MTMR12: variants seen among roughly 807,000 people sequenced by gnomAD.
MTMR12 encodes myotubularin-related protein 12.
A neutral mutation model predicts 96.7 loss-of-function variants in MTMR12; 33 were observed. The ratio of observed to expected loss-of-function variants is 0.34; its 90% confidence interval spans 0.26 to 0.46. The LOEUF is 0.46. Ranked by LOEUF, MTMR12 falls within the 20% of genes least tolerant of loss-of-function variation. The pLI is 1.00. For synonymous variants in MTMR12, 298 were observed against 327.2 expected, an observed-to-expected ratio of 0.91 and a Z score of 0.96; for missense variants, 721 against 896.1, an observed-to-expected ratio of 0.80 and a Z score of 2.49.
intron 4 of MTMR12, 152 bp from the exon 5 acceptor site, chr5:32,271,099 G>T: frequency 2.2e-6 from 2 of 918,496 alleles, no homozygotes; most frequent in Non-Finnish European, 3.1e-6. Flanking sequence ...GCCAAAGGAA[G>T]CCCAATCTCT....
intron 7 of MTMR12, among the ~76,000 whole-genome samples, chr5:32,261,716 T>G (rs1475008240): frequency 6.6e-6 from 1 of 152,206 alleles, no homozygotes; most frequent in Non-Finnish European, 1.5e-5. Flanking sequence ...GCTAGGACAC[T>G]GCCAAGCAAA....
At chr5:32,292,446 A>C (rs929810024) in intron 1 of MTMR12, among the ~76,000 whole-genome samples, 4 of 152,134 alleles carry the variant, frequency 2.6e-5, no homozygotes, top group African/African-American at 9.7e-5. Flanking sequence ...AGACACAACA[A>C]TTCCATTAAA....
At chr5:32,240,341 G>A (rs1459136970) in intron 12 of MTMR12, among the ~76,000 whole-genome samples, 5 of 151,144 alleles carry the variant, frequency 3.3e-5, no homozygotes, top group East Asian at 2.0e-4. Flanking sequence ...AGAGGTTGCC[G>A]TGAGCTGAGA....
chr5:32,286,720 T>C (rs1448586393), intron 1 of MTMR12, among the ~76,000 whole-genome samples: 1 of 152,100 alleles, frequency 6.6e-6, no homozygotes, highest in African/African-American at 2.4e-5. Context: ...GTAAGCCAGG[T>C]TAAAAGAAAT....
intron 6 of MTMR12, among the ~76,000 whole-genome samples, chr5:32,267,528 G>A (rs139285083): frequency 1.4e-3 from 208 of 152,250 alleles, no homozygotes; most frequent in Non-Finnish European, 2.1e-3. Flanking sequence ...GTTCTTAAAA[G>A]ATTGCTCTCT....
chr5:32,275,467 T>C (rs2112092330), intron 2 of MTMR12, among the ~76,000 whole-genome samples: 1 of 152,326 alleles, frequency 6.6e-6, no homozygotes, highest in East Asian at 1.9e-4. Context: ...CCCCGTCCCA[T>C]GCTCATGTAC....
intron 12 of MTMR12, among the ~76,000 whole-genome samples, chr5:32,239,966 C>T (rs971004874): frequency 1.3e-5 from 2 of 152,162 alleles, no homozygotes; most frequent in Non-Finnish European, 2.9e-5. Flanking sequence ...GTGCATTTGT[C>T]TTAAGAGTTT....
chr5:32,240,402 A>T (rs1748421911), intron 12 of MTMR12, among the ~76,000 whole-genome samples: 1 of 151,194 alleles, frequency 6.6e-6, no homozygotes, highest in Admixed American at 6.6e-5. Context: ...CCGTCTCAAA[A>T]AAAAAAAAAA....
At chr5:32,234,189 A>G (rs1026219176) in intron 14 of MTMR12, among the ~76,000 whole-genome samples, 10 of 152,176 alleles carry the variant, frequency 6.6e-5, no homozygotes, top group Admixed American at 3.3e-4. Flanking sequence ...CAGCCTCGCG[A>G]GGCAACTGTT....
Position 32,228,603 on chromosome 5 carries a change from T to TG in MTMR12, c.*1174_*1175insC, listed in dbSNP as rs374225889. Reference sequence around the variant, plus strand: ...ATCATATATATGTGATATATATATATATATCATATATATGATATATATATA... The same window carrying TG: ...ATCATATATATGTGATATATATATATGATATCATATATATGATATATATATA... On this transcript the variant is annotated 3_prime_UTR_variant, in exon 16 of 16. Transcript: ENST00000382142. The TG allele has an allele frequency of 2.5e-4, 30 of 120,824 alleles. No individual in the cohort carries two copies. The East Asian group carries it at 3.0e-3, about 12-fold the overall frequency. The allele number at this position is 120,824 out of a possible 1,614,324, so 7.5% of individuals were successfully genotyped here. A position where few individuals can be genotyped will look rare whatever the true frequency, so the allele number is the denominator to read the frequency against.
Position 32,312,022 on chromosome 5 carries a change from C to T in MTMR12, c.81+736G>A, listed in dbSNP as rs1483328114. ...CTCCAGGAATGCAGAGATCTCTGTC[C>T]TGTTCACTGATGTCTATCACAAGCA... is the stretch of plus-strand genomic sequence containing the variant. On this transcript the variant is annotated intron_variant, in intron 1 of 15. Coordinates refer to ENST00000382142, the MANE Select transcript of MTMR12 (RefSeq NM_001040446.3). This position sits in a 1 kb window ranked among gnomAD's most constrained non-coding sequence, Gnocchi z 5.0. 6.6e-6 allele frequency among the ~76,000 whole-genome samples: 1 copy of T among 152,206 alleles called. No homozygotes were observed. The highest frequency in any genetic ancestry group is 1.5e-5 in the Non-Finnish European group (1 of 68,034).
chr5:32,237,672 G>A (rs552485623), intron 13 of MTMR12, among the ~76,000 whole-genome samples: 8 of 152,038 alleles, frequency 5.3e-5, no homozygotes, highest in South Asian at 2.1e-4. Flanking sequence ...CACCACACCC[G>A]GCTAATTTTT....
chr5:32,283,657 T>G (rs1469153285), intron 1 of MTMR12, among the ~76,000 whole-genome samples: 1 of 152,176 alleles, frequency 6.6e-6, no homozygotes, highest in Non-Finnish European at 1.5e-5. Context: ...ATCAGTGAAG[T>G]ACCTGCTAGA....
chr5:32,293,438 A>G (rs1346786726), intron 1 of MTMR12, among the ~76,000 whole-genome samples: 1 of 152,178 alleles, frequency 6.6e-6, no homozygotes, highest in Non-Finnish European at 1.5e-5. Flanking sequence ...CTGAAACATC[A>G]GACGCCAAGT....
intron 1 of MTMR12, among the ~76,000 whole-genome samples, chr5:32,287,594 C>T (rs1266566742): frequency 6.6e-6 from 1 of 152,066 alleles, no homozygotes; most frequent in Non-Finnish European, 1.5e-5. Flanking sequence ...AACCCTAATA[C>T]GGATTTTGGT....
At position 32,247,863 on chromosome 5, in the gene MTMR12, C is replaced by T. The variant is rs1581599374; in HGVS notation, c.1021+139G>A. The T allele has an allele frequency of 2.3e-5, 32 of 1,377,624 alleles. No homozygotes were observed. The East Asian group carries it at 7.9e-4, about 34-fold the overall frequency. 85.3% of individuals were successfully genotyped at this position (1,377,624 alleles called of 1,614,324 possible). On this transcript the variant is annotated intron_variant, in intron 10 of 15. Transcript: ENST00000382142. The stretch of plus-strand genomic sequence containing the variant: ...GAAGTGTGGTAATGGCAGCCAGACC[C>T]CTGGCTCCATGACATCACAGCCCTG...
intron 12 of MTMR12, among the ~76,000 whole-genome samples, chr5:32,240,812 G>A (rs1748439144): frequency 6.6e-6 from 1 of 152,276 alleles, no homozygotes; most frequent in South Asian, 2.1e-4. Flanking sequence ...TGTTGGCCAG[G>A]CTGGTCTCCA....
At chr5:32,246,611 G>A (rs1748701439) in intron 10 of MTMR12, among the ~76,000 whole-genome samples, 1 of 152,160 alleles carries the variant, frequency 6.6e-6, no homozygotes, top group Non-Finnish European at 1.5e-5. Flanking sequence ...AATTAACGTG[G>A]ACAGTTTGCC....
chr5:32,278,471 G>T (rs1750145153), intron 1 of MTMR12, among the ~76,000 whole-genome samples: 1 of 152,124 alleles, frequency 6.6e-6, no homozygotes, highest in Non-Finnish European at 1.5e-5. Context: ...AGAAACTTGG[G>T]TACAGCCTAT....
Sources: gnomAD v4.1 joint callset for allele counts (sites outside exome capture counted in the v4.1 genomes callset) on GRCh38, gnomAD v4.1.1 for gene constraint, Gnocchi (gnomAD v3.1) non-coding constraint, MANE v1.5 for transcripts, NCBI Gene and HGNC (gene_info 2026-07-23, HGNC 2026-07-21) for gene names.